The following KLHL5 variants were observed in gnomAD, a reference collection of about 807,000 sequenced individuals.
KLHL5 encodes kelch-like protein 5.
In KLHL5, 48 loss-of-function variants were observed where a neutral mutation model predicts 77.7. The ratio of observed to expected loss-of-function variants is 0.62; its 90% CI spans 0.49 to 0.79. KLHL5 has a LOEUF of 0.79. KLHL5 is among the 30% of genes least tolerant of loss of function. The probability of loss-of-function intolerance (pLI) is 0.00; values close to 1 mark genes in which losing one functional copy is unlikely to be tolerated. For missense variants in KLHL5, 723 were observed against 859.7 expected (o/e 0.84, Z 1.99); for synonymous variants, 260 against 297.0 (o/e 0.88, Z 1.28).
chr4:39,101,877 T>TATAC (rs769434754), intron 6 of KLHL5, among the ~76,000 whole-genome samples: 132 of 108,530 alleles, frequency 1.2e-3, no homozygotes, highest in East Asian at 2.1e-3. Context: ...TATATATATA[T>TATAC]ACACACACAC....
intron 1 of KLHL5, among the ~76,000 whole-genome samples, chr4:39,072,548 GA>G (rs1718580545): frequency 2.0e-5 from 3 of 152,108 alleles, no homozygotes; most frequent in Admixed American, 1.3e-4. Flanking sequence ...AGCCCCAAGA[GA>G]ATACTGAACA....
intron 8 of KLHL5, chr4:39,112,694 T>A (rs1722532988): frequency 3.9e-6 from 1 of 259,286 alleles, no homozygotes; most frequent in Admixed American, 5.0e-5. Context: ...CCATATTTTG[T>A]CTATTCTAAG....
chr4:39,044,861 C>G (rs1299155582), upstream of KLHL5: 1 of 814,634 alleles, frequency 1.2e-6, no homozygotes, highest in Admixed American at 6.3e-5. Context: ...TCGCCCGCCC[C>G]CTCCGGGGCC....
At chr4:39,054,463 G>A (rs773412654) in intron 1 of KLHL5, among the ~76,000 whole-genome samples, 20 of 152,266 alleles carry the variant, frequency 1.3e-4, no homozygotes, top group Admixed American at 4.6e-4. Flanking sequence ...TCAGTGTAAA[G>A]TATTTTATAT....
intron 1 of KLHL5, among the ~76,000 whole-genome samples, chr4:39,068,437 CTG>C (rs71192818): frequency 0.013 from 1,993 of 147,928 alleles, 43 homozygotes; most frequent in African/African-American, 0.046. Flanking sequence ...CCAGAAAACA[CTG>C]TGTGTGTGTG....
intron 8 of KLHL5, 148 bp downstream of exon 8, chr4:39,107,879 T>C: frequency 1.8e-6 from 1 of 556,574 alleles, no homozygotes; most frequent in Non-Finnish European, 3.0e-6. Flanking sequence ...GTTGTAAATA[T>C]ATTGTTTTAA....
At chr4:39,048,769 G>A (rs1411638539) in intron 1 of KLHL5, among the ~76,000 whole-genome samples, 3 of 147,354 alleles carry the variant, frequency 2.0e-5, no homozygotes, top group Non-Finnish European at 4.5e-5. Flanking sequence ...TCAGCCTCCC[G>A]AGTAGGTGGG....
At chr4:39,073,100 T>A (rs982653834) in intron 1 of KLHL5, among the ~76,000 whole-genome samples, 82 of 152,288 alleles carry the variant, frequency 5.4e-4, no homozygotes, top group African/African-American at 1.9e-3. Flanking sequence ...ATTTAAAAAA[T>A]TATTTTTAAA....
intron 5 of KLHL5, among the ~76,000 whole-genome samples, chr4:39,094,836 A>G (rs1720911121): frequency 6.6e-6 from 1 of 152,120 alleles, no homozygotes; most frequent in South Asian, 2.1e-4. Flanking sequence ...CTCATACTCT[A>G]TTTAAACATT....
chr4:39,111,581 T>C (rs1034125389), intron 8 of KLHL5, among the ~76,000 whole-genome samples: 1 of 152,238 alleles, frequency 6.6e-6, no homozygotes, highest in Non-Finnish European at 1.5e-5. Context: ...TGTTAAAGGC[T>C]TCTCATGTTC....
At chr4:39,105,791 T>G (rs1721990469) in intron 7 of KLHL5, among the ~76,000 whole-genome samples, 1 of 150,750 alleles carries the variant, frequency 6.6e-6, no homozygotes, top group South Asian at 2.1e-4. Context: ...CTCCAAAAGC[T>G]AGTACTGGTG....
chr4:39,138,523 G>A, the KLHL5 span, among the ~76,000 whole-genome samples: 4 of 152,144 alleles, frequency 2.6e-5, no homozygotes, highest in Non-Finnish European at 4.4e-5. Flanking sequence ...AATACTGGAT[G>A]TTCTCACTTA....
downstream of KLHL5, chr4:39,126,744 G>A (rs1723568143): frequency 2.2e-6 from 1 of 456,036 alleles, no homozygotes; most frequent in Admixed American, 2.4e-5. Flanking sequence ...TGGCCATCAA[G>A]CAGACCATCT....
the KLHL5 span, chr4:39,135,644 C>T: frequency 6.6e-6 from 1 of 152,290 alleles, no homozygotes; most frequent in South Asian, 2.1e-4. Context: ...TGGCTCATGC[C>T]TGTAATCCTA....
the KLHL5 span, among the ~76,000 whole-genome samples, chr4:39,141,563 G>A: frequency 1.8e-4 from 28 of 152,014 alleles, no homozygotes; most frequent in African/African-American, 5.5e-4. Context: ...CGCCCACCTC[G>A]GCCTCCCAAA....
upstream of KLHL5, among the ~76,000 whole-genome samples, chr4:39,061,236 A>G (rs939216727): frequency 8.5e-5 from 13 of 152,278 alleles, no homozygotes; most frequent in African/African-American, 3.1e-4. Context: ...AATTTGTATT[A>G]AGATAGACAC....
chr4:39,130,020 G>T (rs1449046739), downstream of KLHL5, among the ~76,000 whole-genome samples: 2 of 152,170 alleles, frequency 1.3e-5, no homozygotes, highest in Non-Finnish European at 2.9e-5. Flanking sequence ...CTCAACTACA[G>T]TGTCATGGTA....
chr4:39,114,061 A>G (rs1722658151), intron 9 of KLHL5, among the ~76,000 whole-genome samples: 2 of 152,224 alleles, frequency 1.3e-5, no homozygotes, highest in African/African-American at 4.8e-5. Flanking sequence ...CCAAGTGACC[A>G]TAAGAAGGAT....
intron 10 of KLHL5, among the ~76,000 whole-genome samples, chr4:39,119,554 C>T (rs1261829535): frequency 6.6e-6 from 1 of 152,192 alleles, no homozygotes; most frequent in Non-Finnish European, 1.5e-5. Context: ...CATTGCACTC[C>T]AGCCTGGGTG....
Sources: allele counts gnomAD v4.1 joint callset (sites outside exome capture counted in the v4.1 genomes callset), GRCh38; gene constraint gnomAD v4.1.1; transcripts MANE v1.5; gene names NCBI Gene and HGNC (gene_info 2026-07-23, HGNC 2026-07-21).